Variants in TTC34 observed in about 807,000 individuals in gnomAD.
TTC34 encodes the protein tetratricopeptide repeat domain 34, also known as tetratricopeptide repeat protein 34.
In TTC34, 44 loss-of-function variants were observed where a neutral mutation model predicts 40.7. The ratio of observed to expected loss-of-function variants is 1.08; its 90% CI spans 0.85 to 1.39. The LOEUF (loss-of-function observed/expected upper bound fraction) is 1.39. Ranked by LOEUF, TTC34 falls within the 40% of genes most tolerant of loss-of-function variation. The pLI, the probability that TTC34 is intolerant of heterozygous loss-of-function variation, is 0.00. For missense variants in TTC34, 884 were observed against 838.0 expected (o/e 1.05, Z -0.68); for synonymous variants, 422 against 398.6 (o/e 1.06, Z -0.70).
chr1:2,753,319 T>G (rs1203924408), intron 6 of TTC34, among the ~76,000 whole-genome samples: 1 of 111,768 alleles, frequency 8.9e-6, no homozygotes, highest in African/African-American at 4.2e-5. Flanking sequence ...TCCGACAGCC[T>G]GGAGCATCAC....
rs753203657 is a variant in TTC34, at chr1:2,691,944, A to G, written c.2227-46381T>C. Among the ~76,000 whole-genome samples, 3 of 47,920 alleles carry G rather than the reference A, an allele frequency of 6.3e-5. 1 individual carries two copies. Among genetic ancestry groups the G allele is most frequent in the Admixed American group, 5.0e-4 (2 of 3,980 alleles). The allele number at this position is 47,920 out of a possible 152,430, so 31.4% of individuals were successfully genotyped here. ...CTGACAGTCTGGAACACCACGCACA[A>G]CCCCAGGTGAGCATCTGACAGACTG... On this transcript the variant is annotated intron_variant, in intron 6 of 8. Transcript: ENST00000401095.
chr1:2,756,545 C>CA (rs1641511777), intron 6 of TTC34, among the ~76,000 whole-genome samples: 1 of 126,624 alleles, frequency 7.9e-6, no homozygotes, highest in Admixed American at 8.4e-5. Context: ...GCAGCACCCA[C>CA]ACTCCAGGTG....
chr1:2,755,396 T>C (rs1380209479), intron 6 of TTC34, among the ~76,000 whole-genome samples: 867 of 15,918 alleles, frequency 0.054, no homozygotes, highest in South Asian at 0.062. Flanking sequence ...AGGTGAGCAT[T>C]CGACAGCCTG....
chr1:2,795,900 T>C (rs1272767069), intron 2 of TTC34, among the ~76,000 whole-genome samples: 1 of 152,208 alleles, frequency 6.6e-6, no homozygotes, highest in Non-Finnish European at 1.5e-5. Flanking sequence ...TCCCAGATTA[T>C]AGAAGGGTTT....
chr1:2,686,897 T>C (rs1326391512), intron 6 of TTC34, among the ~76,000 whole-genome samples: 2 of 103,478 alleles, frequency 1.9e-5, no homozygotes, highest in African/African-American at 4.7e-5. Flanking sequence ...CTGATGAGCA[T>C]CTGACAGCCT....
chr1:2,700,134 C>G lies in TTC34; in HGVS notation c.2227-54571G>C, dbSNP rs367688409. Among the ~76,000 whole-genome samples the G allele has an allele frequency of 9.5e-5, 11 of 116,238 alleles. 2 individuals are homozygous for G. The highest frequency in any genetic ancestry group is 3.0e-4 in the African/African-American group (11 of 36,548). The allele number at this position is 116,238 out of a possible 152,430, so 76.3% of individuals were successfully genotyped here. A position where few individuals can be genotyped will look rare whatever the true frequency, so the allele number is the denominator to read the frequency against. ...GAGAGCCTGGAGCAGCATCCTCACC[C>G]CAGGTGAGCATCGGACATCCTGGAG... On this transcript the variant is annotated intron_variant, in intron 6 of 8. Coordinates refer to ENST00000401095, the Ensembl canonical transcript of TTC34.
intron 6 of TTC34, among the ~76,000 whole-genome samples, chr1:2,687,671 G>A (rs1481797098): frequency 1.3e-5 from 2 of 151,910 alleles, no homozygotes; most frequent in African/African-American, 4.8e-5. Context: ...CTGACAGGCT[G>A]GAGCAGCACG....
exon 2 of TTC34, chr1:2,800,527 G>A (rs931945779): frequency 1.8e-5 from 7 of 398,472 alleles, no homozygotes; most frequent in African/African-American, 1.4e-4. Context: ...GCGGCGGGGT[G>A]GTCCGGGCAG....
intron 6 of TTC34, among the ~76,000 whole-genome samples, chr1:2,693,305 T>C (rs565036075): frequency 0.025 from 1,149 of 46,046 alleles, 3 homozygotes; most frequent in Non-Finnish European, 0.035. Flanking sequence ...TGCACCCCCA[T>C]GCCCAGGTGA....
rs1165691382 is a variant in TTC34 at position 2,674,912 on chromosome 1, T to A, written c.2227-29349A>T. 2.2e-4 allele frequency among the ~76,000 whole-genome samples: 17 copies of A among 75,836 alleles called. No homozygotes were observed. In the East Asian group the frequency reaches 2.8e-3, roughly 13 times the overall value. 49.8% of individuals were successfully genotyped at this position (75,836 alleles called of 152,430 possible). Reference sequence around the variant, plus strand: ...GCGAGCATCTGACAGCCCGGAGCAGTGCCCACACCCCGAGGTGAGCATCTG... The same window carrying A: ...GCGAGCATCTGACAGCCCGGAGCAGAGCCCACACCCCGAGGTGAGCATCTG... On this transcript the variant is annotated intron_variant, in intron 6 of 8. Coordinates refer to ENST00000401095, the Ensembl canonical transcript of TTC34.
intron 6 of TTC34, chr1:2,775,191 C>G (rs1486932284): frequency 2.0e-5 from 3 of 149,588 alleles, no homozygotes; most frequent in Non-Finnish European, 3.0e-5. Flanking sequence ...CCCTGCAACC[C>G]CAGGTGAGCA....
chr1:2,686,050 AGCATCCGACAGCCTGGAGAAGC>A (rs1640327276), intron 6 of TTC34, among the ~76,000 whole-genome samples: 1 of 111,870 alleles, frequency 8.9e-6, no homozygotes, highest in African/African-American at 4.1e-5. Flanking sequence ...CCCCCAAGTG[AGCATCCGACAGCCTGGAGAAGC>A]ACCCACACCC....
At chr1:2,778,930 G>T (rs1219355139) in intron 6 of TTC34, among the ~76,000 whole-genome samples, 1 of 151,936 alleles carries the variant, frequency 6.6e-6, no homozygotes, top group Non-Finnish European at 1.5e-5. Context: ...GGCACTCTCT[G>T]CCCCCAACCC....
At chr1:2,768,753 C>A (rs1268550476) in intron 6 of TTC34, among the ~76,000 whole-genome samples, 4 of 136,374 alleles carry the variant, frequency 2.9e-5, no homozygotes, top group African/African-American at 1.1e-4. Flanking sequence ...AGGTGAGCAT[C>A]TGACAGCCTG....
At chr1:2,801,257 A>C (rs1643769131) in intron 1 of TTC34, among the ~76,000 whole-genome samples, 1 of 151,610 alleles carries the variant, frequency 6.6e-6, no homozygotes, top group East Asian at 1.9e-4. Flanking sequence ...TGAGCCCCTC[A>C]GGAAGGCACA....
intron 6 of TTC34, among the ~76,000 whole-genome samples, chr1:2,651,944 C>T (rs1269142363): frequency 1.3e-5 from 2 of 152,038 alleles, no homozygotes; most frequent in African/African-American, 4.8e-5. Context: ...CATCTGACAG[C>T]CTGAAGCAGC....
chr1:2,790,916 C>G (rs1269547633), intron 2 of TTC34, among the ~76,000 whole-genome samples: 1 of 152,184 alleles, frequency 6.6e-6, no homozygotes, highest in African/African-American at 2.4e-5. Context: ...GGGGCATGCC[C>G]TGCTGCTTAC....
chr1:2,700,742 C>A (rs1353402092), intron 6 of TTC34, among the ~76,000 whole-genome samples: 2 of 91,172 alleles, frequency 2.2e-5, no homozygotes, highest in African/African-American at 3.2e-5. Context: ...CCTCCACCCA[C>A]ACGTGAGCAT....
At chr1:2,652,481 A>G (rs1333278336) in intron 6 of TTC34, among the ~76,000 whole-genome samples, 240 of 146,068 alleles carry the variant, frequency 1.6e-3, no homozygotes, top group Middle Eastern at 7.1e-3. Flanking sequence ...AGCAGAACCC[A>G]CACCCCCAGG....
Sources: gnomAD v4.1 joint callset for allele counts (sites outside exome capture counted in the v4.1 genomes callset) on GRCh38, gnomAD v4.1.1 for gene constraint, MANE v1.5 for transcripts, NCBI Gene and HGNC (gene_info 2026-07-23, HGNC 2026-07-21) for gene names.